Variants in PUM2 observed in about 807,000 individuals in gnomAD.
PUM2 encodes the protein pumilio RNA binding family member 2.
Under a neutral mutation model 124.5 loss-of-function variants are expected in PUM2, and 57 were observed. The ratio of observed to expected loss-of-function variants is 0.46; its 90% CI spans 0.37 to 0.57. The LOEUF is 0.57. Ranked by LOEUF, PUM2 falls within the 20% of genes least tolerant of loss-of-function variation. PUM2 has a pLI of 0.00. For synonymous variants in PUM2, 460 were observed against 446.1 expected, an observed-to-expected ratio of 1.03 and a Z score of -0.39; for missense variants, 1,065 against 1,290.6, an observed-to-expected ratio of 0.83 and a Z score of 2.68.
chr2:20,259,902 G>A (rs1454928525), intron 15 of PUM2, among the ~76,000 whole-genome samples: 7 of 152,140 alleles, frequency 4.6e-5, no homozygotes, highest in Admixed American at 4.6e-4. Context: ...AGCAATTTAT[G>A]AGGGCTCTAA....
chr2:20,254,167 CT>C (rs149877577), intron 19 of PUM2, among the ~76,000 whole-genome samples, 153 bp from the exon 20 acceptor site: 37,006 of 147,844 alleles, frequency 0.25, 5,211 homozygotes, highest in Non-Finnish European at 0.33. Context: ...TTATTTTGTT[CT>C]TTTTTTTTTT....
At chr2:20,308,832 T>C (rs761129329) in intron 5 of PUM2, among the ~76,000 whole-genome samples, 15 of 152,174 alleles carry the variant, frequency 9.9e-5, no homozygotes, top group Admixed American at 3.3e-4. Context: ...CATAAAGATA[T>C]AATGCAATTT....
intron 19 of PUM2, 139 bp downstream of exon 19, chr2:20,254,724 G>GT: frequency 1.1e-6 from 1 of 899,850 alleles, no homozygotes; most frequent in East Asian, 2.8e-5. Context: ...CAAAAGCAAT[G>GT]TTCTATAGGT....
At chr2:20,255,043 T>C in intron 18 of PUM2, 59 bp from the exon 19 acceptor site, 2 of 1,551,296 alleles carry the variant, frequency 1.3e-6, no homozygotes, top group Non-Finnish European at 1.8e-6. Flanking sequence ...TGATATTCTT[T>C]AAAGACATGT....
chr2:20,303,438 T>TTG (rs1332967492), intron 7 of PUM2, among the ~76,000 whole-genome samples: 4 of 151,104 alleles, frequency 2.6e-5, no homozygotes, highest in Non-Finnish European at 5.9e-5. Context: ...CTTTCAAGTT[T>TTG]TTTTTTTTTT....
intron 13 of PUM2, among the ~76,000 whole-genome samples, chr2:20,272,536 T>C (rs1250145010): frequency 6.6e-6 from 1 of 152,226 alleles, no homozygotes; most frequent in Non-Finnish European, 1.5e-5. Context: ...TTCTATTTAT[T>C]TATCCTTGTG....
chr2:20,285,427 C>G (rs569109018), intron 10 of PUM2, among the ~76,000 whole-genome samples: 1 of 152,180 alleles, frequency 6.6e-6, no homozygotes, highest in African/African-American at 2.4e-5. Context: ...GAATATGGCC[C>G]ACAACATGAT....
chr2:20,324,150 C>CA (rs1327885169), intron 2 of PUM2, among the ~76,000 whole-genome samples: 1 of 152,038 alleles, frequency 6.6e-6, no homozygotes, highest in East Asian at 1.9e-4. Context: ...AAGAGCATTT[C>CA]AGAGATACAT....
In PUM2 at chr2:20,248,837, C is replaced by A. The variant is rs1429399361; in HGVS notation, c.*2748G>T. On this transcript the variant is annotated 3_prime_UTR_variant, in exon 21 of 21. Coordinates refer to ENST00000361078, the MANE Select transcript of PUM2 (RefSeq NM_015317.5). ...ATTATTTCATATGAACCAATAAGAG[C>A]CAGGACTTAGACAAACTGGTCCAGA... is the stretch of plus-strand genomic sequence containing the variant. The A allele has an allele frequency of 6.6e-6, 1 of 152,548 alleles. No homozygotes were observed. The highest frequency in any genetic ancestry group is 2.4e-5 in the African/African-American group (1 of 41,416). The allele number at this position is 152,548 out of a possible 1,614,324, so 9.4% of individuals were successfully genotyped here. A position where few individuals can be genotyped will look rare whatever the true frequency, so the allele number is the denominator to read the frequency against.
intron 9 of PUM2, 71 bp downstream of exon 9, chr2:20,294,305 A>G (rs1674963536): frequency 5.8e-6 from 9 of 1,545,772 alleles, no homozygotes; most frequent in Non-Finnish European, 7.9e-6. Context: ...CGAAAAACAC[A>G]AATCTTAAAC....
At chr2:20,304,082 TA>T (rs1346351324) in intron 7 of PUM2, among the ~76,000 whole-genome samples, 1 of 152,220 alleles carries the variant, frequency 6.6e-6, no homozygotes, top group Non-Finnish European at 1.5e-5. Flanking sequence ...AATTATTGCC[TA>T]AACTACATAC....
chr2:20,290,204 A>G (rs1185332768), intron 10 of PUM2, among the ~76,000 whole-genome samples: 1 of 152,212 alleles, frequency 6.6e-6, no homozygotes, highest in African/African-American at 2.4e-5. Flanking sequence ...ATAGTTTTAA[A>G]CGCTATAAAT....
intron 10 of PUM2, among the ~76,000 whole-genome samples, chr2:20,284,902 C>T (rs1672374404): frequency 6.6e-6 from 1 of 152,202 alleles, no homozygotes; most frequent in African/African-American, 2.4e-5. Context: ...CATTAGCACG[C>T]TGCTAATAAA....
chr2:20,294,354 A>G (rs751232050), intron 9 of PUM2, 22 bp downstream of exon 9: 23 of 1,610,744 alleles, frequency 1.4e-5, no homozygotes, highest in Non-Finnish European at 2.0e-5. Flanking sequence ...ACTTGGTATT[A>G]CTTAATAGAA....
chr2:20,313,445 A>G (rs1680133796), intron 3 of PUM2, among the ~76,000 whole-genome samples: 2 of 152,274 alleles, frequency 1.3e-5, no homozygotes, highest in South Asian at 4.1e-4. Flanking sequence ...GATACTACCT[A>G]AAGGATCAGT....
At chr2:20,325,099 A>C (rs985226831) in intron 2 of PUM2, among the ~76,000 whole-genome samples, 1 of 152,198 alleles carries the variant, frequency 6.6e-6, no homozygotes, top group African/African-American at 2.4e-5. Flanking sequence ...CAAAGAAGGA[A>C]ATCCCAGAAG....
At chr2:20,296,069 C>T (rs1675454355) in intron 8 of PUM2, among the ~76,000 whole-genome samples, 1 of 152,222 alleles carries the variant, frequency 6.6e-6, no homozygotes, top group African/African-American at 2.4e-5. Flanking sequence ...ACCAGAAAAG[C>T]TCACATCCTT....
At chr2:20,315,974 C>T (rs1408712196) in intron 3 of PUM2, among the ~76,000 whole-genome samples, 1 of 152,038 alleles carries the variant, frequency 6.6e-6, no homozygotes, top group Admixed American at 6.6e-5. Context: ...AGCACACATG[C>T]TCTCAGCAAG....
At chr2:20,326,647 G>C (rs183549228) in intron 2 of PUM2, among the ~76,000 whole-genome samples, 1 of 152,174 alleles carries the variant, frequency 6.6e-6, no homozygotes. Flanking sequence ...ATAATGATGA[G>C]GTTAACTTTG....
Sources: gnomAD v4.1 joint callset for allele counts (sites outside exome capture counted in the v4.1 genomes callset) on GRCh38, gnomAD v4.1.1 for gene constraint, MANE v1.5 for transcripts, NCBI Gene and HGNC (gene_info 2026-07-23, HGNC 2026-07-21) for gene names.